PRKN: variants seen among roughly 807,000 people sequenced by gnomAD.
PRKN encodes the protein parkin RBR E3 ubiquitin protein ligase.
Under a neutral mutation model 59.5 loss-of-function variants are expected in PRKN, and 56 were observed. The ratio of observed to expected loss-of-function variants is 0.94; its 90% confidence interval spans 0.76 to 1.18. The LOEUF (loss-of-function observed/expected upper bound fraction) is 1.18, where lower values mean the gene tolerates loss of function less well. PRKN is among the 50% of genes most tolerant of loss of function. The probability of loss-of-function intolerance (pLI) is 0.00; values close to 1 mark genes in which losing one functional copy is unlikely to be tolerated. For synonymous variants in PRKN, 250 were observed against 222.1 expected (o/e 1.13, Z -1.12); for missense variants, 657 against 596.4 (o/e 1.10, Z -1.06).
rs563576312 is a variant in PRKN at position 161,873,494 on chromosome 6, G to A, written c.735-87586C>T. 9.3e-5 allele frequency among the ~76,000 whole-genome samples: 14 copies of A among 150,230 alleles called. No individual in the cohort carries two copies. The East Asian group carries it at 1.9e-3, about 21-fold the overall frequency. On this transcript the variant is annotated intron_variant, in intron 6 of 11. Coordinates refer to ENST00000366898, the MANE Select transcript of PRKN (RefSeq NM_004562.3). Reference sequence around the variant, plus strand: ...ATGCGTATCGGACTCGAGAAATTCCGAGGAATGGAAAGGAAAATCGCCGGT... The same window carrying A: ...ATGCGTATCGGACTCGAGAAATTCCAAGGAATGGAAAGGAAAATCGCCGGT...
intron 1 of PRKN, among the ~76,000 whole-genome samples, chr6:162,679,755 C>CA (rs1779698870): frequency 6.6e-6 from 1 of 152,110 alleles, no homozygotes; most frequent in Non-Finnish European, 1.5e-5. Context: ...TACTTTACTT[C>CA]AGTATCAATA....
chr6:161,830,035 A>G (rs1172486267), intron 6 of PRKN, among the ~76,000 whole-genome samples: 1 of 151,768 alleles, frequency 6.6e-6, no homozygotes, highest in African/African-American at 2.4e-5. Flanking sequence ...CCCTACTACC[A>G]TCTCTCTTAT....
chr6:161,728,658 G>T lies in PRKN; in HGVS notation c.871+57114C>A, dbSNP rs149165928. 2.7e-4 allele frequency among the ~76,000 whole-genome samples: 41 copies of T among 152,310 alleles called. 1 individual carries two copies. Among genetic ancestry groups the T allele is most frequent in the African/African-American group, 9.9e-4 (41 of 41,566 alleles). On this transcript the variant is annotated intron_variant, in intron 7 of 11. Coordinates refer to ENST00000366898, the MANE Select transcript of PRKN (RefSeq NM_004562.3). Reference sequence around the variant, plus strand: ...TCAAGTGTGTATTTATTTATCTTCTGATGGAATATTCTTTTTGGGCTTTTG... The same window carrying T: ...TCAAGTGTGTATTTATTTATCTTCTTATGGAATATTCTTTTTGGGCTTTTG...
At chr6:161,701,142 A>G (rs1786235628) in intron 7 of PRKN, among the ~76,000 whole-genome samples, 1 of 152,184 alleles carries the variant, frequency 6.6e-6, no homozygotes, top group Non-Finnish European at 1.5e-5. Context: ...AAAGTAGGAA[A>G]ATGTCACAAC....
chr6:161,537,256 C>G (rs1344257274), intron 9 of PRKN, among the ~76,000 whole-genome samples: 1 of 152,168 alleles, frequency 6.6e-6, no homozygotes, highest in Non-Finnish European at 1.5e-5. Context: ...GGAAATTTCT[C>G]TTTCAGGACA....
chr6:162,648,745 C>G (rs1325392114), intron 1 of PRKN, among the ~76,000 whole-genome samples: 2 of 152,116 alleles, frequency 1.3e-5, no homozygotes, highest in Non-Finnish European at 2.9e-5. Context: ...CCAACAGGCA[C>G]TGATCTCATA....
In PRKN at chr6:161,347,867, CG is replaced by C. The variant is rs1391811604; in HGVS notation, c.*2231del. On this transcript the variant is annotated 3_prime_UTR_variant, in exon 12 of 12. Transcript: ENST00000366898. ...TCCTGACCTCGTGATCCACCCACCT[CG>C]GCCTCCCAAAGTGCTGGGATTACAG... is the stretch of plus-strand genomic sequence containing the variant. 6.5e-6 allele frequency: 1 copy of C among 154,286 alleles called. No homozygotes were observed. Among genetic ancestry groups the C allele is most frequent in the Non-Finnish European group, 1.4e-5 (1 of 69,396 alleles). 9.6% of individuals were successfully genotyped at this position (154,286 alleles called of 1,614,324 possible).
At chr6:162,365,746 T>TA (rs1401963324) in intron 2 of PRKN, among the ~76,000 whole-genome samples, 1 of 152,204 alleles carries the variant, frequency 6.6e-6, no homozygotes, top group Admixed American at 6.5e-5. Context: ...CAATATCTTT[T>TA]ATACCTTCTC....
chr6:161,729,498 A>G (rs1365583641), intron 7 of PRKN, among the ~76,000 whole-genome samples: 1 of 152,230 alleles, frequency 6.6e-6, no homozygotes, highest in East Asian at 1.9e-4. Context: ...GGAATAATCA[A>G]TTCAAAAAAT....
At chr6:161,627,871 G>A (rs1781341617) in intron 7 of PRKN, among the ~76,000 whole-genome samples, 1 of 152,160 alleles carries the variant, frequency 6.6e-6, no homozygotes, top group Non-Finnish European at 1.5e-5. Flanking sequence ...CTTCACTTAG[G>A]AATAAATTGT....
chr6:161,353,922 C>T lies in PRKN; in HGVS notation c.1286-3711G>A, dbSNP rs1784655510. On this transcript the variant is annotated intron_variant, in intron 11 of 11. Transcript: ENST00000366898. This position sits in a 1 kb window ranked among gnomAD's most constrained non-coding sequence, Gnocchi z 4.8. Reference sequence around the variant, plus strand: ...CTTGCTTGGTGCGTGGGGAAAAACCCCCGCACATTCCGTCACAGAAGTCTT... The same window carrying T: ...CTTGCTTGGTGCGTGGGGAAAAACCTCCGCACATTCCGTCACAGAAGTCTT... Among the ~76,000 whole-genome samples, 1 of 152,176 alleles carries T rather than the reference C, an allele frequency of 6.6e-6. No homozygotes were observed.
At chr6:162,578,502 CAGCA>C (rs1448466631) in intron 1 of PRKN, among the ~76,000 whole-genome samples, 2 of 152,020 alleles carry the variant, frequency 1.3e-5, no homozygotes, top group Admixed American at 1.3e-4. Context: ...TATAATAAAA[CAGCA>C]ATACTATTTT....
At chr6:162,527,615 C>T (rs1057070123) in intron 1 of PRKN, among the ~76,000 whole-genome samples, 6 of 152,110 alleles carry the variant, frequency 3.9e-5, no homozygotes, top group African/African-American at 9.7e-5. Flanking sequence ...TTCTTCGTTA[C>T]GACTGGTTAA....
At chr6:161,443,482 G>A (rs1789343762) in intron 9 of PRKN, among the ~76,000 whole-genome samples, 1 of 152,170 alleles carries the variant, frequency 6.6e-6, no homozygotes, top group African/African-American at 2.4e-5. Flanking sequence ...GTGGGAGCCT[G>A]AGAGGTACTC....
chr6:161,586,524 A>C (rs1488843114), intron 7 of PRKN, among the ~76,000 whole-genome samples: 1 of 152,216 alleles, frequency 6.6e-6, no homozygotes, highest in Non-Finnish European at 1.5e-5. Flanking sequence ...GATTTTGTGA[A>C]ACGAATCAAT....
intron 7 of PRKN, among the ~76,000 whole-genome samples, chr6:161,642,129 A>G (rs1757078084): frequency 3.3e-5 from 5 of 152,224 alleles, no homozygotes; most frequent in Admixed American, 2.6e-4. Flanking sequence ...TTAAAATAAT[A>G]AAAAGAAAAA....
Position 161,552,492 on chromosome 6 carries a change from T to G in PRKN, c.934-3489A>C, listed in dbSNP as rs62436775. Among the ~76,000 whole-genome samples the G allele has an allele frequency of 0.44, 50,218 of 113,340 alleles. 14,391 individuals are homozygous for G. Among genetic ancestry groups the G allele is most frequent in the East Asian group, 0.65 (2,401 of 3,710 alleles). The allele number at this position is 113,340 out of a possible 152,430, so 74.4% of individuals were successfully genotyped here. A position where few individuals can be genotyped will look rare whatever the true frequency, so the allele number is the denominator to read the frequency against. On this transcript the variant is annotated intron_variant, in intron 8 of 11. Coordinates refer to ENST00000366898, the MANE Select transcript of PRKN (RefSeq NM_004562.3). The surrounding 1 kb of genome is among the most constrained non-coding windows in gnomAD (Gnocchi z 4.9). ...ACTGTGAATGATCTCACGGTGATCCTCCAAGCCCCTCTCCCTCAGCTCTGC... is the reference window on the plus strand; with the variant it reads ...ACTGTGAATGATCTCACGGTGATCCGCCAAGCCCCTCTCCCTCAGCTCTGC...
chr6:162,131,788 G>A (rs1263727380), intron 4 of PRKN, among the ~76,000 whole-genome samples: 1 of 152,078 alleles, frequency 6.6e-6, no homozygotes, highest in East Asian at 1.9e-4. Context: ...TTCTAATAAA[G>A]ACTTAAAGAA....
Position 161,561,905 on chromosome 6 carries a change from C to T in PRKN, c.933+7450G>A, listed in dbSNP as rs979788386. ...CATAAAACTCTGGCTCCTGTCTTTA[C>T]GCATCCCCCAAAACTGCTCATTATG... On this transcript the variant is annotated intron_variant, in intron 8 of 11. Transcript: ENST00000366898. This position sits in a 1 kb window ranked among gnomAD's most constrained non-coding sequence, Gnocchi z 5.0. 2.0e-5 allele frequency among the ~76,000 whole-genome samples: 3 copies of T among 152,312 alleles called. No individual in the cohort carries two copies. Among genetic ancestry groups the T allele is most frequent in the Admixed American group, 6.5e-5 (1 of 15,308 alleles).
Sources: gnomAD v4.1 joint callset for allele counts (sites outside exome capture counted in the v4.1 genomes callset) on GRCh38, gnomAD v4.1.1 for gene constraint, Gnocchi (gnomAD v3.1) non-coding constraint, MANE v1.5 for transcripts, NCBI Gene and HGNC (gene_info 2026-07-23, HGNC 2026-07-21) for gene names.